Variants in KLHL4 observed in about 807,000 individuals in gnomAD.
The protein encoded by KLHL4 is kelch-like protein 4.
A neutral mutation model predicts 45.8 loss-of-function variants in KLHL4; 17 were observed. The ratio of observed to expected loss-of-function variants is 0.37; its 90% CI spans 0.25 to 0.56. The LOEUF (loss-of-function observed/expected upper bound fraction) is 0.56. Among genes scored for constraint, KLHL4 ranks in the 20% least tolerant of loss-of-function variants. The pLI is 0.79. For synonymous variants in KLHL4, 224 were observed against 189.9 expected (o/e 1.18, Z -1.47); for missense variants, 544 against 544.9 (o/e 1.00, Z 0.02).
intron 9 of KLHL4, among the ~76,000 whole-genome samples, chrX:87,662,927 C>T (rs1924243719): frequency 2.5e-5 from 1 of 39,909 alleles, no homozygotes; most frequent in Non-Finnish European, 4.8e-5. Context: ...GAGACTCCGT[C>T]TCAAAAAAAA....
intron 1 of KLHL4, among the ~76,000 whole-genome samples, chrX:87,566,603 T>C (rs1932216519): frequency 9.0e-6 from 1 of 111,627 alleles, no homozygotes; most frequent in African/African-American, 3.3e-5. Context: ...TATGGATACT[T>C]GAAGTACAGT....
chrX:87,523,193 T>C (rs994167371), intron 1 of KLHL4, among the ~76,000 whole-genome samples: 6 of 111,761 alleles, frequency 5.4e-5, no homozygotes, highest in Non-Finnish European at 1.1e-4. Flanking sequence ...CTTTAAAGAC[T>C]TTTTTGGAAA....
intron 9 of KLHL4, among the ~76,000 whole-genome samples, chrX:87,642,362 C>T (rs1923490763): frequency 9.0e-6 from 1 of 111,709 alleles, no homozygotes; most frequent in Non-Finnish European, 1.9e-5. Context: ...AGCAAGGGAA[C>T]ATCCTGTGGG....
In KLHL4 at chrX:87,625,727, C is replaced by G. The variant is rs771114776; in HGVS notation, c.1255C>G (p.Pro419Ala). Residue 419 changes from proline to alanine, a missense_variant, in exon 6 of 11, where the codon CCT becomes GCT. By Grantham distance (27) the Pro-to-Ala change is conservative (BLOSUM62 -1). Transcript: ENST00000373119. ...LPERRSMMQS[P>A]RTKPRKSTVG... ...TGAGAGAAGATCCATGATGCAAAGC[C>G]CTCGGACAAAGCCTAGAAAATCAAC... The G allele has an allele frequency of 1.4e-5, 17 of 1,207,315 alleles. No individual in the cohort carries two copies. Among genetic ancestry groups the G allele is most frequent in the Non-Finnish European group, 1.8e-5 (16 of 893,783 alleles).
At chrX:87,614,789 T>A (rs917396071) in intron 3 of KLHL4, among the ~76,000 whole-genome samples, 5 of 110,525 alleles carry the variant, frequency 4.5e-5, no homozygotes, top group Admixed American at 2.9e-4. Flanking sequence ...AACTCGATAA[T>A]ATAAAAGAAG....
At position 87,601,882 on chromosome X, in the gene KLHL4, A is replaced by G. The variant is rs906588435; in HGVS notation, c.423-11995A>G. Among the ~76,000 whole-genome samples, 6 of 111,550 alleles carry G rather than the reference A, an allele frequency of 5.4e-5. No homozygotes were observed. The Admixed American group carries it at 5.7e-4, about 11-fold the overall frequency. ...CCGTGTGCTGCCTAACATTTTAGTC[A>G]ACTACATACTGAGTATACCATGGTA... On this transcript the variant is annotated intron_variant, in intron 1 of 10. Transcript: ENST00000373119.
In KLHL4 at chrX:87,613,885, C is replaced by G. The variant is rs1283240359; in HGVS notation, c.431C>G (p.Thr144Arg). Residue 144 changes from threonine (T) to arginine (R), a missense_variant, in exon 2 of 11, where the codon ACA becomes AGA. Coordinates refer to ENST00000373119, the MANE Select transcript of KLHL4 (RefSeq NM_019117.5). ...CCTTACTTCCTTTTCAGATTAGATA[C>G]ACAACACTCTGAAGACATGAATGCC... ...NIEDSTARLD[T>R]QHSEDMNATR... 8.4e-7 allele frequency: 1 copy of G among 1,183,771 alleles called. No individual in the cohort carries two copies. The highest frequency in any genetic ancestry group is 1.1e-6 in the Non-Finnish European group (1 of 881,437).
At chrX:87,534,215 G>C (rs1931381131) in intron 1 of KLHL4, among the ~76,000 whole-genome samples, 1 of 111,329 alleles carries the variant, frequency 9.0e-6, no homozygotes, top group African/African-American at 3.3e-5. Flanking sequence ...TGCTAAATAA[G>C]ATCTTGGACT....
In KLHL4 at chrX:87,669,614, G is replaced by A; in HGVS notation, c.*3080G>A. 1.5e-5 allele frequency: 5 copies of A among 326,316 alleles called. No individual in the cohort carries two copies. Among genetic ancestry groups the A allele is most frequent in the Non-Finnish European group, 2.6e-5 (5 of 192,132 alleles). 26.9% of individuals were successfully genotyped at this position (326,316 alleles called of 1,213,427 possible). ...GTCTAGGTAAAGAAAAAAAAAAAAA[G>A]GTCATGAAACACAAATGTCCTCAAC... is the stretch of plus-strand genomic sequence containing the variant. On this transcript the variant is annotated 3_prime_UTR_variant, in exon 11 of 11. Coordinates refer to ENST00000373119, the MANE Select transcript of KLHL4 (RefSeq NM_019117.5).
chrX:87,645,546 C>G (rs1923600874), intron 9 of KLHL4, among the ~76,000 whole-genome samples: 2 of 111,647 alleles, frequency 1.8e-5, no homozygotes, highest in African/African-American at 6.5e-5. Flanking sequence ...AATCCTACTA[C>G]TGGGCATCTA....
At chrX:87,598,841 A>G (rs1053599321) in intron 1 of KLHL4, among the ~76,000 whole-genome samples, 2 of 110,953 alleles carry the variant, frequency 1.8e-5, no homozygotes, top group Admixed American at 9.7e-5. Context: ...TTCCATCAGA[A>G]GACTAGAAAA....
chrX:87,592,309 A>C (rs6617450), intron 1 of KLHL4, among the ~76,000 whole-genome samples: 2 of 111,025 alleles, frequency 1.8e-5, no homozygotes, highest in Non-Finnish European at 3.8e-5. Context: ...GTGAACAGTG[A>C]TGCCATAAAC....
intron 8 of KLHL4, among the ~76,000 whole-genome samples, chrX:87,634,305 C>G (rs749753279): frequency 2.7e-5 from 3 of 111,181 alleles, no homozygotes; most frequent in Middle Eastern, 4.6e-3. Context: ...CAAGGTGATT[C>G]TTTTATTCTT....
In KLHL4 at chrX:87,666,693, T is replaced by G; in HGVS notation, c.*159T>G. Reference sequence around the variant, plus strand: ...TTGTAGTTACAATTGCTTTCATTCGTGAAGCCGAAACGTTTTTAAACATGA... The same window carrying G: ...TTGTAGTTACAATTGCTTTCATTCGGGAAGCCGAAACGTTTTTAAACATGA... On this transcript the variant is annotated 3_prime_UTR_variant, in exon 11 of 11. Transcript: ENST00000373119. The G allele has an allele frequency of 1.0e-6, 1 of 982,073 alleles. No homozygotes were observed. Among genetic ancestry groups the G allele is most frequent in the Non-Finnish European group, 1.3e-6 (1 of 779,759 alleles). The allele number at this position is 982,073 out of a possible 1,213,427, so 80.9% of individuals were successfully genotyped here.
chrX:87,580,870 A>G (rs1921252895), intron 1 of KLHL4, among the ~76,000 whole-genome samples: 1 of 112,077 alleles, frequency 8.9e-6, no homozygotes, highest in Admixed American at 9.4e-5. Flanking sequence ...TAAAAGAAAT[A>G]GACATCACTG....
At chrX:87,577,227 G>A (rs572116947) in intron 1 of KLHL4, among the ~76,000 whole-genome samples, 22 of 111,436 alleles carry the variant, frequency 2.0e-4, no homozygotes, top group South Asian at 1.5e-3. Flanking sequence ...CTGTTTTCCC[G>A]GAGCATACAC....
chrX:87,622,120 G>A (rs765115437), intron 4 of KLHL4, 91 bp from the exon 5 acceptor site: 1 of 573,155 alleles, frequency 1.7e-6, no homozygotes, highest in African/African-American at 2.3e-5. Context: ...TGCATTTTCT[G>A]AAGTTTAAGA....
chrX:87,659,637 A>G (rs1399374326), intron 9 of KLHL4, among the ~76,000 whole-genome samples: 2 of 111,342 alleles, frequency 1.8e-5, no homozygotes, highest in Non-Finnish European at 3.8e-5. Flanking sequence ...TGGCTTTAGC[A>G]TAAAACAGCT....
intron 1 of KLHL4, among the ~76,000 whole-genome samples, chrX:87,598,664 A>C (rs1921915866): frequency 2.7e-5 from 3 of 111,720 alleles, no homozygotes; most frequent in Admixed American, 1.9e-4. Flanking sequence ...CTCTAGGCAT[A>C]TTGGCAAGAA....
Sources: gnomAD v4.1 joint callset for allele counts (sites outside exome capture counted in the v4.1 genomes callset) on GRCh38, gnomAD v4.1.1 for gene constraint, MANE v1.5 for transcripts, NCBI Gene and HGNC (gene_info 2026-07-23, HGNC 2026-07-21) for gene names.